The following ATP2B2 variants were observed in gnomAD, a reference collection of about 807,000 sequenced individuals.
ATP2B2 encodes the protein plasma membrane calcium-transporting ATPase 2.
A neutral mutation model predicts 120.0 loss-of-function variants in ATP2B2; 15 were observed. That is an observed-to-expected ratio of 0.12 (90% confidence interval 0.08 to 0.19). The LOEUF is 0.19. Among genes scored for constraint, ATP2B2 ranks in the 10% least tolerant of loss-of-function variants. ATP2B2 has a pLI of 1.00. For missense variants in ATP2B2, 1,045 were observed against 1,719.8 expected, an observed-to-expected ratio of 0.61 and a Z score of 6.94; for synonymous variants, 694 against 700.3, an observed-to-expected ratio of 0.99 and a Z score of 0.14.
At chr3:10,579,888 C>T (rs1035613265) in intron 2 of ATP2B2, among the ~76,000 whole-genome samples, 1 of 151,318 alleles carries the variant, frequency 6.6e-6, no homozygotes, top group African/African-American at 2.4e-5. Flanking sequence ...TGCCGCCCCA[C>T]AGTTTCCCCT....
At chr3:10,537,044 G>C (rs935919755) in intron 2 of ATP2B2, among the ~76,000 whole-genome samples, 1 of 152,134 alleles carries the variant, frequency 6.6e-6, no homozygotes, top group Non-Finnish European at 1.5e-5. Flanking sequence ...GTTAAAAATA[G>C]GTTGGGCATA....
At chr3:10,444,025 C>G (rs2063754109) in intron 2 of ATP2B2, among the ~76,000 whole-genome samples, 1 of 152,194 alleles carries the variant, frequency 6.6e-6, no homozygotes, top group African/African-American at 2.4e-5. Flanking sequence ...TTTGAGAAGG[C>G]AGCTGTGTTT....
At chr3:10,431,454 A>G (rs1029520482) in intron 2 of ATP2B2, among the ~76,000 whole-genome samples, 1 of 152,186 alleles carries the variant, frequency 6.6e-6, no homozygotes, top group Admixed American at 6.5e-5. Context: ...TTAACTGGCA[A>G]AAAAATGACG....
Position 10,375,653 on chromosome 3 carries a change from T to G in ATP2B2, c.1202-9A>C. 6.2e-7 allele frequency: 1 copy of G among 1,611,856 alleles called. No individual in the cohort carries two copies. On this transcript the variant is annotated splice_polypyrimidine_tract_variant and intron_variant, in intron 10 of 22. Coordinates refer to ENST00000360273, the MANE Select transcript of ATP2B2 (RefSeq NM_001001331.4). The surrounding 1 kb of genome is among the most constrained non-coding windows in gnomAD (Gnocchi z 4.2). The stretch of plus-strand genomic sequence containing the variant: ...GGCTGACATCACCAAGCCTGCAATG[T>G]GAGGGACACATGCTTGGGGGGTTCC...
At chr3:10,457,156 G>C (rs1319469047) in intron 1 of ATP2B2, among the ~76,000 whole-genome samples, 1 of 151,740 alleles carries the variant, frequency 6.6e-6, no homozygotes, top group African/African-American at 2.4e-5. Context: ...GTGCAGGGTG[G>C]GTGTGGGTGT....
intron 2 of ATP2B2, among the ~76,000 whole-genome samples, chr3:10,538,555 T>C (rs1268306372): frequency 6.6e-6 from 1 of 152,200 alleles, no homozygotes; most frequent in East Asian, 1.9e-4. Context: ...ATTCCTGGGA[T>C]GCAAGGTTGG....
chr3:10,463,558 T>G (rs952285426), intron 1 of ATP2B2, among the ~76,000 whole-genome samples: 2 of 152,228 alleles, frequency 1.3e-5, no homozygotes, highest in African/African-American at 4.8e-5. Flanking sequence ...ATGGAGGCTT[T>G]GCAAGGTTAA....
intron 2 of ATP2B2, among the ~76,000 whole-genome samples, chr3:10,612,080 C>T (rs972647115): frequency 6.6e-6 from 1 of 152,162 alleles, no homozygotes; most frequent in Non-Finnish European, 1.5e-5. Flanking sequence ...CTCTGAGCTT[C>T]CAGAAGACAC....
chr3:10,598,525 C>T (rs946818596), intron 2 of ATP2B2, among the ~76,000 whole-genome samples: 3 of 152,156 alleles, frequency 2.0e-5, no homozygotes, highest in Admixed American at 6.5e-5. Context: ...CAACCATGCA[C>T]GCTCCTGAGA....
chr3:10,597,247 G>A (rs976063780), intron 2 of ATP2B2, among the ~76,000 whole-genome samples: 2 of 134,714 alleles, frequency 1.5e-5, no homozygotes, highest in African/African-American at 5.7e-5. Context: ...ATACCCACAG[G>A]CACACACACA....
chr3:10,622,160 C>G (rs1211213879), intron 1 of ATP2B2, among the ~76,000 whole-genome samples: 2 of 152,192 alleles, frequency 1.3e-5, no homozygotes, highest in African/African-American at 4.8e-5. Context: ...TGCTCCCTAC[C>G]CAAGGCCCTG....
At chr3:10,413,181 C>G (rs2062670025) in intron 2 of ATP2B2, among the ~76,000 whole-genome samples, 1 of 152,242 alleles carries the variant, frequency 6.6e-6, no homozygotes, top group African/African-American at 2.4e-5. Context: ...GTGCATGCAA[C>G]AGACCTGGCT....
chr3:10,493,286 G>T (rs2066005431), intron 1 of ATP2B2, among the ~76,000 whole-genome samples: 1 of 152,142 alleles, frequency 6.6e-6, no homozygotes, highest in Non-Finnish European at 1.5e-5. Context: ...GATCAGGGAT[G>T]GCCTTAATGA....
intron 2 of ATP2B2, among the ~76,000 whole-genome samples, chr3:10,415,020 G>A (rs1355178601): frequency 1.3e-5 from 2 of 152,086 alleles, no homozygotes; most frequent in Admixed American, 6.5e-5. Context: ...ATGACGTCTC[G>A]CTCACTCCCC....
At chr3:10,563,030 C>T (rs968970245) in intron 2 of ATP2B2, among the ~76,000 whole-genome samples, 12 of 152,148 alleles carry the variant, frequency 7.9e-5, no homozygotes, top group Admixed American at 3.3e-4. Flanking sequence ...TAGTTAATTT[C>T]TTTTCAACTT....
Position 10,449,676 on chromosome 3 carries a change from G to T in ATP2B2, c.-133C>A. The stretch of plus-strand genomic sequence containing the variant: ...TGTGGCACCAGGCGGCCGACTCCGG[G>T]TCCCGGGGGGTGGGGGTGGCCGAGG... On this transcript the variant is annotated 5_prime_UTR_variant, in exon 2 of 23. Transcript: ENST00000360273. The T allele has an allele frequency of 1.8e-6, 2 of 1,107,206 alleles. No individual in the cohort carries two copies. The highest frequency in any genetic ancestry group is 2.7e-6 in the Non-Finnish European group (2 of 743,392). The allele number at this position is 1,107,206 out of a possible 1,614,324, so 68.6% of individuals were successfully genotyped here.
intron 2 of ATP2B2, among the ~76,000 whole-genome samples, chr3:10,610,076 T>TAC (rs34843797): frequency 0.33 from 48,215 of 146,362 alleles, 9,737 homozygotes; most frequent in Middle Eastern, 0.51. Flanking sequence ...TATACACACA[T>TAC]ACACACACAC....
intron 14 of ATP2B2, among the ~76,000 whole-genome samples, chr3:10,355,625 C>A (rs2060693463): frequency 6.6e-6 from 1 of 152,118 alleles, no homozygotes; most frequent in Admixed American, 6.6e-5. Context: ...TGGCTCCAGG[C>A]CCCCCTTTCC....
At position 10,621,218 on chromosome 3, in the gene ATP2B2, T is replaced by C. The variant is rs557765151; in HGVS notation, c.-459-1257A>G. 7.8e-4 allele frequency among the ~76,000 whole-genome samples: 118 copies of C among 152,166 alleles called. 1 individual carries two copies. The highest frequency in any genetic ancestry group is 2.8e-3 in the African/African-American group (115 of 41,504). On this transcript the variant is annotated intron_variant, in intron 1 of 21. Coordinates refer to the ATP2B2 transcript ENST00000646379. ...TCCTGTTCTCTTCTACTGCACACCC[T>C]TCAAATTCCTCCCACTGTTGAGCCA... is the stretch of plus-strand genomic sequence containing the variant.
Sources: gnomAD v4.1 joint callset for allele counts (sites outside exome capture counted in the v4.1 genomes callset) on GRCh38, gnomAD v4.1.1 for gene constraint, Gnocchi (gnomAD v3.1) non-coding constraint, MANE v1.5 for transcripts, NCBI Gene and HGNC (gene_info 2026-07-23, HGNC 2026-07-21) for gene names.